Variants in EXTL1 observed in about 807,000 individuals in gnomAD.
EXTL1 encodes the protein exostosin like glycosyltransferase 1.
In EXTL1, 43 loss-of-function variants were observed where a neutral mutation model predicts 64.6. The observed-to-expected ratio is 0.67, with a 90% CI of 0.52 to 0.86. EXTL1 has a LOEUF of 0.86. Among genes scored for constraint, EXTL1 ranks in the 40% least tolerant of loss-of-function variants. The probability of loss-of-function intolerance (pLI) is 0.00; values close to 1 mark genes in which losing one functional copy is unlikely to be tolerated. For synonymous variants in EXTL1, 352 were observed against 360.5 expected (o/e 0.98, Z 0.27); for missense variants, 766 against 879.0 (o/e 0.87, Z 1.62).
Position 26,034,875 on chromosome 1 carries a change from T to C in EXTL1, c.1719T>C (p.Ala573=), listed in dbSNP as rs756997678. The C allele has an allele frequency of 6.2e-7, 1 of 1,614,144 alleles. No individual in the cohort carries two copies. Among genetic ancestry groups the C allele is most frequent in the East Asian group, 2.2e-5 (1 of 44,868 alleles). The change falls in exon 10 of 11, where the codon GCT becomes GCC. Residue 573 remains alanine (A), a synonymous_variant. Coordinates refer to ENST00000374280, the MANE Select transcript of EXTL1 (RefSeq NM_004455.3). The surrounding 1 kb of genome is among the most constrained non-coding windows in gnomAD (Gnocchi z 4.6). Reference sequence around the variant, plus strand: ...TCTTCACCCACTCCCTGCCCAAGGCTCTGAGGACCCTGGCAGATGAGGCAC... The same window carrying C: ...TCTTCACCCACTCCCTGCCCAAGGCCCTGAGGACCCTGGCAGATGAGGCAC... ...HTLFTHSLPK[A]LRTLADEAPT... is the part of the protein sequence containing the mutation.
chr1:26,029,132 A>G, intron 1 of EXTL1, 61 bp from the exon 2 acceptor site: 2 of 1,289,648 alleles, frequency 1.6e-6, no homozygotes, highest in Non-Finnish European at 2.2e-6. Context: ...GAGGGAGCCC[A>G]GGGGGCGAAG....
Position 26,033,415 on chromosome 1 carries a change from T to C in EXTL1, c.1518+100T>C. ...CCAGGGTTGAGGGGACCCCAGGTCA[T>C]GAGGTCCAGCCTCTTGCATTTGAAA... is the stretch of plus-strand genomic sequence containing the variant. On this transcript the variant is annotated intron_variant, in intron 8 of 10. Transcript: ENST00000374280. This position sits in a 1 kb window ranked among gnomAD's most constrained non-coding sequence, Gnocchi z 5.1. 2.9e-6 allele frequency: 3 copies of C among 1,041,310 alleles called. No homozygotes were observed. Among genetic ancestry groups the C allele is most frequent in the Non-Finnish European group, 4.5e-6 (3 of 670,246 alleles). The allele number at this position is 1,041,310 out of a possible 1,614,324, so 64.5% of individuals were successfully genotyped here.
intron 1 of EXTL1, among the ~76,000 whole-genome samples, chr1:26,027,716 C>T (rs971027430): frequency 2.8e-5 from 3 of 107,318 alleles, no homozygotes; most frequent in Non-Finnish European, 6.0e-5. Context: ...AAAGCCAGCA[C>T]GTGCCTGTAG....
intron 6 of EXTL1, chr1:26,032,122 G>A (rs1004831969): frequency 2.6e-6 from 1 of 391,830 alleles, no homozygotes; most frequent in Non-Finnish European, 4.6e-6. Context: ...ATGGAGTCAG[G>A]GCCCAGGCTA....
rs1378027889 is a variant in EXTL1, at chr1:26,035,664, C to G, written c.*317C>G. ...GGACTTGCCTGGCCCTCCTCCCCCT[C>G]CGCCCCCAATGGGTTCGGTCTCCTT... On this transcript the variant is annotated 3_prime_UTR_variant, in exon 11 of 11. Coordinates refer to ENST00000374280, the MANE Select transcript of EXTL1 (RefSeq NM_004455.3). The surrounding 1 kb of genome is among the most constrained non-coding windows in gnomAD (Gnocchi z 5.3). 6.7e-6 allele frequency: 2 copies of G among 299,388 alleles called. No homozygotes were observed. Among genetic ancestry groups the G allele is most frequent in the Non-Finnish European group, 1.2e-5 (2 of 161,112 alleles). The allele number at this position is 299,388 out of a possible 1,614,324, so 18.5% of individuals were successfully genotyped here.
At chr1:26,027,969 G>A (rs114233161) in intron 1 of EXTL1, among the ~76,000 whole-genome samples, 1,687 of 152,316 alleles carry the variant, frequency 0.011, 27 homozygotes, top group African/African-American at 0.037. Context: ...CAGTGGTGCA[G>A]TTGATTCAGC....
chr1:26,031,414 G>A (rs2050284647), intron 5 of EXTL1, 46 bp from the exon 6 acceptor site: 1 of 1,368,346 alleles, frequency 7.3e-7, no homozygotes. Context: ...TTCTTCATGG[G>A]GTTCTGTTCC....
chr1:26,031,019 T>G (rs1375109305), intron 4 of EXTL1, 113 bp from the exon 5 acceptor site: 1 of 1,354,756 alleles, frequency 7.4e-7, no homozygotes, highest in Non-Finnish European at 1.0e-6. Flanking sequence ...AGACTCAGCT[T>G]CTGACCCCAG....
rs538030537 is a variant in EXTL1, at chr1:26,022,255, G to A, written c.-392G>A. 8.4e-4 allele frequency: 148 copies of A among 176,180 alleles called. No individual in the cohort carries two copies. Among genetic ancestry groups the A allele is most frequent in the African/African-American group, 3.4e-3 (142 of 42,328 alleles). The allele number at this position is 176,180 out of a possible 1,614,324, so 10.9% of individuals were successfully genotyped here. On this transcript the variant is annotated 5_prime_UTR_variant, in exon 1 of 11. Transcript: ENST00000374280. ...AGCCCTCCTCTCAGTTGAGGGCAAG[G>A]TCAAGGGGTGCAGCCAGGAGGGCAG...
At position 26,030,562 on chromosome 1, in the gene EXTL1, C is replaced by T; in HGVS notation, c.1068C>T (p.Ser356=). 6.2e-7 allele frequency: 1 copy of T among 1,613,734 alleles called. No homozygotes were observed. Among genetic ancestry groups the T allele is most frequent in the East Asian group, 2.2e-5 (1 of 44,876 alleles). The change falls in exon 4 of 11, where the codon TCC becomes TCT. Residue 356 remains serine (S), a synonymous_variant. Coordinates refer to ENST00000374280, the MANE Select transcript of EXTL1 (RefSeq NM_004455.3). ...AGTTTCTATGGGATGCCTACTTCTC[C>T]TCAGTGGAGAAGGTCATCCATACCA... is the stretch of plus-strand genomic sequence containing the variant. The part of the protein sequence containing the change: ...QTQFLWDAYF[S]SVEKVIHTTL...
chr1:26,034,735 G>C lies in EXTL1; in HGVS notation c.1680-101G>C. Reference sequence around the variant, plus strand: ...TGAGGCAGCCAGGGCTCAGAGGCTTGGGGATGGGGGTCAAAGGGAGAGGTG... The same window carrying C: ...TGAGGCAGCCAGGGCTCAGAGGCTTCGGGATGGGGGTCAAAGGGAGAGGTG... On this transcript the variant is annotated intron_variant, in intron 9 of 10. Coordinates refer to ENST00000374280, the MANE Select transcript of EXTL1 (RefSeq NM_004455.3). This position sits in a 1 kb window ranked among gnomAD's most constrained non-coding sequence, Gnocchi z 4.6. The C allele has an allele frequency of 1.6e-6, 2 of 1,226,390 alleles. No individual in the cohort carries two copies. Among genetic ancestry groups the C allele is most frequent in the Non-Finnish European group, 1.2e-6 (1 of 860,520 alleles). The allele number at this position is 1,226,390 out of a possible 1,614,324, so 76.0% of individuals were successfully genotyped here.
rs61746687 is a variant in EXTL1 at position 26,031,523 on chromosome 1, T to C, written c.1298T>C (p.Leu433Pro). 2 of 1,602,904 alleles carry C rather than the reference T, an allele frequency of 1.2e-6. No individual in the cohort carries two copies. The highest frequency in any genetic ancestry group is 1.3e-5 in the African/African-American group (1 of 74,752). The change falls in exon 6 of 11, where the codon CTG becomes CCG. Residue 433 changes from leucine to proline, a missense_variant. Transcript: ENST00000374280. ...IWVGPPGQPP[L>P]KLIQAVAGSQ... ...GTGGGGCCCCCAGGCCAGCCCCCTCTGAAGCTCATCCAGGCGGTGGCAGGC... is the reference window on the plus strand; with the variant it reads ...GTGGGGCCCCCAGGCCAGCCCCCTCCGAAGCTCATCCAGGCGGTGGCAGGC...
chr1:26,031,503 GC>G lies in EXTL1; in HGVS notation c.1283del (p.Pro428GlnfsTer6). On this transcript the variant is annotated frameshift_variant, in exon 6 of 11. Coordinates refer to ENST00000374280, the MANE Select transcript of EXTL1 (RefSeq NM_004455.3). LOFTEE classifies it high-confidence loss of function. ...GATTCAGCGCCCTGATCTGGGTGGG[GC>G]CCCCAGGCCAGCCCCCTCTGAAGCT... The part of the protein sequence containing the change: ...GRFSALIWVG[P>X]PGQPPLKLIQ... The G allele has an allele frequency of 1.3e-6, 2 of 1,599,626 alleles. No individual in the cohort carries two copies. Among genetic ancestry groups the G allele is most frequent in the South Asian group, 1.1e-5 (1 of 88,384 alleles).
chr1:26,030,939 G>C (rs2050278137), intron 4 of EXTL1, among the ~76,000 whole-genome samples, 193 bp from the exon 5 acceptor site: 1 of 152,208 alleles, frequency 6.6e-6, no homozygotes, highest in Admixed American at 6.5e-5. Context: ...GAGTGAGGAA[G>C]GAAGGGGAAG....
At chr1:26,030,141 A>G (rs142654853) in intron 3 of EXTL1, among the ~76,000 whole-genome samples, 54 of 152,296 alleles carry the variant, frequency 3.5e-4, no homozygotes, top group Non-Finnish European at 6.2e-4. Flanking sequence ...TCTGAAAAAT[A>G]TATGTGTGAC....
Position 26,035,567 on chromosome 1 carries a change from G to C in EXTL1, c.*220G>C. ...AGCCTCTGCGGAGGCTGAGCCCCGC[G>C]ACCGGAGCGCCGCTCTCCGCTTCTC... On this transcript the variant is annotated 3_prime_UTR_variant, in exon 11 of 11. Transcript: ENST00000374280. The surrounding 1 kb of genome is among the most constrained non-coding windows in gnomAD (Gnocchi z 5.3). 1 of 454,806 alleles carries C rather than the reference G, an allele frequency of 2.2e-6. No homozygotes were observed. The allele number at this position is 454,806 out of a possible 1,614,324, so 28.2% of individuals were successfully genotyped here.
intron 1 of EXTL1, among the ~76,000 whole-genome samples, chr1:26,023,893 A>T (rs1018736368): frequency 6.6e-6 from 1 of 152,210 alleles, no homozygotes; most frequent in Admixed American, 6.5e-5. Context: ...TTTGATCCAG[A>T]ATTGCCTATC....
chr1:26,033,097 T>C lies in EXTL1; in HGVS notation c.1432-132T>C. On this transcript the variant is annotated intron_variant, in intron 7 of 10. Coordinates refer to ENST00000374280, the MANE Select transcript of EXTL1 (RefSeq NM_004455.3). This position sits in a 1 kb window ranked among gnomAD's most constrained non-coding sequence, Gnocchi z 5.1. The stretch of plus-strand genomic sequence containing the variant: ...GCTTGCCATATTTGAGGCCCAGGCG[T>C]CTACACTGTGCCTGAAGGGAGGCTT... 1.5e-6 allele frequency: 1 copy of C among 675,912 alleles called. No individual in the cohort carries two copies. Among genetic ancestry groups the C allele is most frequent in the South Asian group, 1.7e-5 (1 of 57,544 alleles). 41.9% of individuals were successfully genotyped at this position (675,912 alleles called of 1,614,324 possible).
chr1:26,033,979 T>C lies in EXTL1; in HGVS notation c.1679+123T>C. On this transcript the variant is annotated intron_variant, in intron 9 of 10. Coordinates refer to ENST00000374280, the MANE Select transcript of EXTL1 (RefSeq NM_004455.3). This position sits in a 1 kb window ranked among gnomAD's most constrained non-coding sequence, Gnocchi z 5.1. Reference sequence around the variant, plus strand: ...CAGGTTCAAGGCCGAGATCTGCCACTTCCCAGCTGTGGGATCCTGGGCAAA... The same window carrying C: ...CAGGTTCAAGGCCGAGATCTGCCACCTCCCAGCTGTGGGATCCTGGGCAAA... 2 of 840,072 alleles carry C rather than the reference T, an allele frequency of 2.4e-6. No homozygotes were observed. Among genetic ancestry groups the C allele is most frequent in the Non-Finnish European group, 3.5e-6 (2 of 575,866 alleles). The allele number at this position is 840,072 out of a possible 1,614,324, so 52.0% of individuals were successfully genotyped here.
Sources: allele counts gnomAD v4.1 joint callset (sites outside exome capture counted in the v4.1 genomes callset), GRCh38; gene constraint gnomAD v4.1.1; non-coding constraint Gnocchi (gnomAD v3.1); transcripts MANE v1.5; gene names NCBI Gene and HGNC (gene_info 2026-07-23, HGNC 2026-07-21).